GPER1: variants seen among roughly 807,000 people sequenced by gnomAD.
GPER1 encodes the protein G protein-coupled receptor 30.
Under a neutral mutation model 0.6 loss-of-function variants are expected in GPER1, and 2 were observed. The ratio of observed to expected loss-of-function variants is 3.41; its 90% confidence interval spans 1.39 to 10.72. The LOEUF (loss-of-function observed/expected upper bound fraction) is 10.72, where lower values mean the gene tolerates loss of function less well. GPER1 is among the 30% of genes most tolerant of loss of function. The pLI is 0.04. For missense variants in GPER1, 441 were observed against 535.2 expected (o/e 0.82, Z 1.74); for synonymous variants, 263 against 247.6 (o/e 1.06, Z -0.58).
rs1787998031 is a variant in GPER1, at chr7:1,091,744, C to G, written c.16C>G (p.Gln6Glu). The G allele has an allele frequency of 6.5e-7, 1 of 1,531,276 alleles. No homozygotes were observed. The highest frequency in any genetic ancestry group is 8.8e-7 in the Non-Finnish European group (1 of 1,138,996). The allele number at this position is 1,531,276 out of a possible 1,614,324, so 94.9% of individuals were successfully genotyped here. A position where few individuals can be genotyped will look rare whatever the true frequency, so the allele number is the denominator to read the frequency against. Residue 6 changes from glutamine to glutamate, a missense_variant, in exon 2 of 2, where the codon CAA becomes GAA. Transcript: ENST00000397088. MDVTS[Q>E]ARGVGLEMYP... ...GTGCAGAGACATGGATGTGACTTCCCAAGCCCGGGGCGTGGGCCTGGAGAT... is the reference window on the plus strand; with the variant it reads ...GTGCAGAGACATGGATGTGACTTCCGAAGCCCGGGGCGTGGGCCTGGAGAT...
rs1788008409 is a variant in GPER1 at position 1,091,795 on chromosome 7, G to A, written c.67G>A (p.Ala23Thr). The A allele has an allele frequency of 1.3e-6, 2 of 1,591,886 alleles. No homozygotes were observed. Among genetic ancestry groups the A allele is most frequent in the Non-Finnish European group, 1.7e-6 (2 of 1,165,480 alleles). ...EMYPGTAQPA[A>T]PNTTSPELNL... is the part of the protein sequence containing the mutation. The stretch of plus-strand genomic sequence containing the variant: ...GTACCCAGGCACCGCGCAGCCTGCG[G>A]CCCCCAACACCACCTCCCCCGAGCT... The change falls in exon 2 of 2, where the codon GCC (alanine) becomes ACC (threonine). Residue 23 changes from alanine to threonine, a missense_variant. Coordinates refer to ENST00000397088, the MANE Select transcript of GPER1 (RefSeq NM_001098201.3).
rs1253618567 is a variant in GPER1 at position 1,093,617 on chromosome 7, C to A, written c.*761C>A. The A allele has an allele frequency of 2.1e-6, 1 of 471,072 alleles. No individual in the cohort carries two copies. The highest frequency in any genetic ancestry group is 6.9e-5 in the East Asian group (1 of 14,408). 29.2% of individuals were successfully genotyped at this position (471,072 alleles called of 1,614,324 possible). On this transcript the variant is annotated 3_prime_UTR_variant, in exon 2 of 2. Coordinates refer to ENST00000397088, the MANE Select transcript of GPER1 (RefSeq NM_001098201.3). ...TGCACTCATGTGGACTGGGACCGTGCGAGCTGCCGTGTGGGTTAGTCGGGT... is the reference window on the plus strand; with the variant it reads ...TGCACTCATGTGGACTGGGACCGTGAGAGCTGCCGTGTGGGTTAGTCGGGT...
chr7:1,089,623 A>C (rs1365938914), intron 1 of GPER1, among the ~76,000 whole-genome samples: 5 of 150,292 alleles, frequency 3.3e-5, no homozygotes, highest in Admixed American at 3.3e-4. Context: ...GGGTTTCGCC[A>C]TGTTACCCAG....
rs781747318 is a variant in GPER1, at chr7:1,093,639, G to C, written c.*783G>C. 4 of 471,272 alleles carry C rather than the reference G, an allele frequency of 8.5e-6. No individual in the cohort carries two copies. Among genetic ancestry groups the C allele is most frequent in the Non-Finnish European group, 1.8e-5 (4 of 227,084 alleles). The allele number at this position is 471,272 out of a possible 1,614,324, so 29.2% of individuals were successfully genotyped here. A position where few individuals can be genotyped will look rare whatever the true frequency, so the allele number is the denominator to read the frequency against. ...GTGCGAGCTGCCGTGTGGGTTAGTC[G>C]GGTGCCAGGACAATGAAATACTCCA... On this transcript the variant is annotated 3_prime_UTR_variant, in exon 2 of 2. Coordinates refer to ENST00000397088, the MANE Select transcript of GPER1 (RefSeq NM_001098201.3).
At position 1,093,084 on chromosome 7, in the gene GPER1, G is replaced by A. The variant is rs12702047; in HGVS notation, c.*228G>A. The A allele has an allele frequency of 0.16, 110,368 of 684,992 alleles. 9,595 individuals are homozygous for A. The highest frequency in any genetic ancestry group is 0.2 in the Admixed American group (9,760 of 49,024). The allele number at this position is 684,992 out of a possible 1,614,324, so 42.4% of individuals were successfully genotyped here. On this transcript the variant is annotated 3_prime_UTR_variant, in exon 2 of 2. Transcript: ENST00000397088. ...CACAGAATTGCTACAATCCCAAAGCGCTCGCCCCGCAGGGTCCAAAGGCCA... is the reference window on the plus strand; with the variant it reads ...CACAGAATTGCTACAATCCCAAAGCACTCGCCCCGCAGGGTCCAAAGGCCA...
At chr7:1,087,351 CG>C (rs1787488538), upstream of GPER1, 1 of 152,160 alleles carries the variant, frequency 6.6e-6, no homozygotes, top group South Asian at 2.1e-4. Flanking sequence ...TGCTTGGGAC[CG>C]GAAGAGTTTC....
chr7:1,092,389 C>T lies in GPER1; in HGVS notation c.661C>T (p.Leu221=), dbSNP rs749090970. 6.9e-6 allele frequency: 11 copies of T among 1,596,920 alleles called. No homozygotes were observed. The African/African-American group carries it at 1.5e-4, about 21-fold the overall frequency. Residue 221 remains leucine, a synonymous_variant, in exon 2 of 2, where the codon CTG becomes TTG. Transcript: ENST00000397088. ...GGAGGTGCAGTGGCTCGAGGTCACG[C>T]TGGGCTTCATCGTGCCCTTCGCCAT... ...VREVQWLEVT[L]GFIVPFAIIG...
chr7:1,092,489 G>A lies in GPER1; in HGVS notation c.761G>A (p.Arg254Gln), dbSNP rs374724867. Residue 254 changes from arginine to glutamine, a missense_variant, in exon 2 of 2, where the codon CGG (arginine) becomes CAG (glutamine). Arg to Gln is a conservative substitution (Grantham distance 43). Transcript: ENST00000397088. ...AHRHRGLRPR[R>Q]QKALRMILAV... ...CGGCACCGTGGGCTGCGGCCCCGGC[G>A]GCAGAAGGCGCTCCGCATGATCCTC... is the stretch of plus-strand genomic sequence containing the variant. 1.2e-5 allele frequency: 20 copies of A among 1,607,438 alleles called. No homozygotes were observed. The highest frequency in any genetic ancestry group is 5.5e-5 in the South Asian group (5 of 91,052).
chr7:1,092,569 G>C lies in GPER1; in HGVS notation c.841G>C (p.Val281Leu). Reference protein sequence around the residue: ...CWLPENVFISVHLLQRTQPGA... With the variant: ...CWLPENVFISLHLLQRTQPGA... ...GCTGCCGGAGAACGTCTTCATCAGC[G>C]TGCACCTCCTGCAGCGGACGCAGCC... Residue 281 changes from valine (V) to leucine (L), a missense_variant, in exon 2 of 2, where the codon GTG becomes CTG. Val to Leu is a conservative substitution (Grantham distance 32, BLOSUM62 1). Transcript: ENST00000397088. The C allele has an allele frequency of 1.2e-6, 2 of 1,610,684 alleles. No individual in the cohort carries two copies. The highest frequency in any genetic ancestry group is 2.2e-5 in the South Asian group (2 of 91,086).
In GPER1 at chr7:1,091,824, C is replaced by A; in HGVS notation, c.96C>A (p.Asn32Lys). The change falls in exon 2 of 2, where the codon AAC becomes AAA. Residue 32 changes from asparagine to lysine, a missense_variant. Physicochemically the swap from Asn to Lys is moderately conservative, Grantham distance 94. Coordinates refer to ENST00000397088, the MANE Select transcript of GPER1 (RefSeq NM_001098201.3). ...CCAACACCACCTCCCCCGAGCTCAA[C>A]CTGTCCCACCCGCTCCTGGGCACCG... The part of the protein sequence containing the change: ...AAPNTTSPEL[N>K]LSHPLLGTAL... 2 of 1,601,064 alleles carry A rather than the reference C, an allele frequency of 1.2e-6. No homozygotes were observed. The highest frequency in any genetic ancestry group is 1.7e-6 in the Non-Finnish European group (2 of 1,170,986).
rs768379201 is a variant in GPER1, at chr7:1,092,324, A to G, written c.596A>G (p.Gln199Arg). 1 of 1,611,814 alleles carries G rather than the reference A, an allele frequency of 6.2e-7. No individual in the cohort carries two copies. Among genetic ancestry groups the G allele is most frequent in the South Asian group, 1.1e-5 (1 of 90,988 alleles). ...GTGCCCTTCACCGCCGTGCACCTGC[A>G]GCACACCGACGAGGCCTGCTTCTGT... is the stretch of plus-strand genomic sequence containing the variant. ...TLVPFTAVHLQHTDEACFCFA... is the reference protein window; with the variant it reads ...TLVPFTAVHLRHTDEACFCFA... Residue 199 changes from glutamine (Q) to arginine (R), a missense_variant, in exon 2 of 2, where the codon CAG (glutamine) becomes CGG (arginine). By Grantham distance (43) the Gln-to-Arg change is conservative (BLOSUM62 1). Coordinates refer to ENST00000397088, the MANE Select transcript of GPER1 (RefSeq NM_001098201.3).
chr7:1,089,996 AC>A (rs1175631532), intron 1 of GPER1, among the ~76,000 whole-genome samples: 11 of 151,788 alleles, frequency 7.2e-5, no homozygotes, highest in African/African-American at 2.4e-4. Context: ...AGGCAGGAGA[AC>A]CACTCTAACC....
At position 1,093,671 on chromosome 7, in the gene GPER1, G is replaced by T; in HGVS notation, c.*815G>T. ...AGGACAATGAAATACTCCAGCACCT[G>T]TGGCTGACGAATTTGTTTCTACAGA... On this transcript the variant is annotated 3_prime_UTR_variant, in exon 2 of 2. Coordinates refer to ENST00000397088, the MANE Select transcript of GPER1 (RefSeq NM_001098201.3). 2.1e-6 allele frequency: 1 copy of T among 470,010 alleles called. No homozygotes were observed. Among genetic ancestry groups the T allele is most frequent in the Non-Finnish European group, 4.4e-6 (1 of 226,002 alleles). The allele number at this position is 470,010 out of a possible 1,614,324, so 29.1% of individuals were successfully genotyped here. A position where few individuals can be genotyped will look rare whatever the true frequency, so the allele number is the denominator to read the frequency against.
At position 1,092,985 on chromosome 7, in the gene GPER1, CG is replaced by C; in HGVS notation, c.*130del. 2.3e-6 allele frequency: 2 copies of C among 883,802 alleles called. No homozygotes were observed. The highest frequency in any genetic ancestry group is 3.7e-6 in the Non-Finnish European group (2 of 537,884). The allele number at this position is 883,802 out of a possible 1,614,324, so 54.7% of individuals were successfully genotyped here. A position where few individuals can be genotyped will look rare whatever the true frequency, so the allele number is the denominator to read the frequency against. Reference sequence around the variant, plus strand: ...TGTGGCTTCTGGCTCCTCGGGGCCTCGCGAGGGTCACGCTTGCCTGGTCACC... The same window carrying C: ...TGTGGCTTCTGGCTCCTCGGGGCCTCCGAGGGTCACGCTTGCCTGGTCACC... On this transcript the variant is annotated 3_prime_UTR_variant, in exon 2 of 2. Coordinates refer to ENST00000397088, the MANE Select transcript of GPER1 (RefSeq NM_001098201.3).
rs773531678 is a variant in GPER1, at chr7:1,092,600, C to A, written c.872C>A (p.Ala291Asp). ...CTCCTGCAGCGGACGCAGCCTGGGG[C>A]CGCTCCCTGCAAGCAGTCTTTCCGC... ...VHLLQRTQPG[A>D]APCKQSFRHA... The change falls in exon 2 of 2, where the codon GCC (alanine) becomes GAC (aspartate). Residue 291 changes from alanine (A) to aspartate (D), a missense_variant. By Grantham distance (126) the Ala-to-Asp change is moderately radical. Transcript: ENST00000397088. The A allele has an allele frequency of 1.4e-5, 22 of 1,611,498 alleles. No individual in the cohort carries two copies. The highest frequency in any genetic ancestry group is 1.8e-5 in the Non-Finnish European group (21 of 1,180,018).
At position 1,091,125 on chromosome 7, in the gene GPER1, G is replaced by C. The variant is rs551761454; in HGVS notation, c.-322-282G>C. On this transcript the variant is annotated intron_variant, in intron 1 of 1. Transcript: ENST00000397088. ...CCTGGGCCTGCTCTGTGGCTATAAA[G>C]GGAAAAACACCCCTGCCTGTGGGAG... 2.2e-3 allele frequency among the ~76,000 whole-genome samples: 340 copies of C among 152,300 alleles called. 2 individuals are homozygous for C. The highest frequency in any genetic ancestry group is 3.3e-3 in the Non-Finnish European group (227 of 68,026).
At position 1,093,497 on chromosome 7, in the gene GPER1, G is replaced by T; in HGVS notation, c.*641G>T. The T allele has an allele frequency of 2.1e-6, 1 of 470,418 alleles. No homozygotes were observed. The allele number at this position is 470,418 out of a possible 1,614,324, so 29.1% of individuals were successfully genotyped here. On this transcript the variant is annotated 3_prime_UTR_variant, in exon 2 of 2. Transcript: ENST00000397088. ...CACCAGGCCCACGAGGAGCAGCAGC[G>T]CTCGGCCCGGAGCAGCAGGAAGGCC...
upstream of GPER1, among the ~76,000 whole-genome samples, chr7:1,087,658 G>A (rs1390439354): frequency 2.6e-5 from 4 of 152,168 alleles, no homozygotes; most frequent in Non-Finnish European, 4.4e-5. Flanking sequence ...AGATTCCTAA[G>A]TTACTTGTCA....
Position 1,093,546 on chromosome 7 carries a change from G to C in GPER1, c.*690G>C, listed in dbSNP as rs866526563. The stretch of plus-strand genomic sequence containing the variant: ...CCCCTCTGTGGAGCGCCCGCCGTCT[G>C]CTCCGGGGTGGTTCAGTCACTGCTT... On this transcript the variant is annotated 3_prime_UTR_variant, in exon 2 of 2. Coordinates refer to ENST00000397088, the MANE Select transcript of GPER1 (RefSeq NM_001098201.3). 3 of 470,954 alleles carry C rather than the reference G, an allele frequency of 6.4e-6. No individual in the cohort carries two copies. Among genetic ancestry groups the C allele is most frequent in the Middle Eastern group, 3.2e-4 (1 of 3,100 alleles). The allele number at this position is 470,954 out of a possible 1,614,324, so 29.2% of individuals were successfully genotyped here.
Sources: allele counts gnomAD v4.1 joint callset (sites outside exome capture counted in the v4.1 genomes callset), GRCh38; gene constraint gnomAD v4.1.1; transcripts MANE v1.5; gene names NCBI Gene and HGNC (gene_info 2026-07-23, HGNC 2026-07-21).